Variants in SYNPO2 observed in about 807,000 individuals in gnomAD.
The protein encoded by SYNPO2 is synaptopodin 2.
SYNPO2 carries 56 observed loss-of-function variants against 85.0 expected under a neutral mutation model. The ratio of observed to expected loss-of-function variants is 0.66; its 90% CI spans 0.53 to 0.82. The LOEUF (loss-of-function observed/expected upper bound fraction) is 0.82. Among genes scored for constraint, SYNPO2 ranks in the 40% least tolerant of loss-of-function variants. SYNPO2 has a pLI of 0.00. For synonymous variants in SYNPO2, 602 were observed against 591.1 expected, an observed-to-expected ratio of 1.02 and a Z score of -0.27; for missense variants, 1,575 against 1,534.2, an observed-to-expected ratio of 1.03 and a Z score of -0.44.
At chr4:119,033,963 A>G (rs924095182) in intron 4 of SYNPO2, 3 of 985,302 alleles carry the variant, frequency 3.0e-6, no homozygotes, top group Non-Finnish European at 3.6e-6. Context: ...TTCTCTGGAA[A>G]ATCTTTCATT....
At chr4:118,880,761 A>AG (rs1290333862) in intron 1 of SYNPO2, among the ~76,000 whole-genome samples, 1 of 151,998 alleles carries the variant, frequency 6.6e-6, no homozygotes, top group Non-Finnish European at 1.5e-5. Context: ...AAAAAAAAAA[A>AG]AAATTATGCA....
At chr4:118,970,032 T>C (rs1405101770) in intron 1 of SYNPO2, among the ~76,000 whole-genome samples, 2 of 152,194 alleles carry the variant, frequency 1.3e-5, no homozygotes, top group Admixed American at 6.5e-5. Flanking sequence ...TTCTGTTCAT[T>C]GTCTAGGACT....
chr4:118,873,597 A>G (rs1731842676), intron 1 of SYNPO2, among the ~76,000 whole-genome samples: 1 of 152,160 alleles, frequency 6.6e-6, no homozygotes, highest in African/African-American at 2.4e-5. Context: ...GATTCTAAAT[A>G]CTAGTCCTTT....
intron 4 of SYNPO2, chr4:119,043,559 G>A (rs1253586010): frequency 6.6e-6 from 1 of 152,122 alleles, no homozygotes; most frequent in African/African-American, 2.4e-5. Flanking sequence ...ATAAATGTGT[G>A]GTCTACATGG....
chr4:118,923,800 A>G (rs947318406), intron 1 of SYNPO2, among the ~76,000 whole-genome samples: 3 of 151,288 alleles, frequency 2.0e-5, no homozygotes, highest in African/African-American at 4.9e-5. Flanking sequence ...TGCTACCCCT[A>G]TATTGAAACT....
chr4:118,966,797 T>C (rs893167330), intron 1 of SYNPO2, among the ~76,000 whole-genome samples: 3 of 152,130 alleles, frequency 2.0e-5, no homozygotes, highest in African/African-American at 7.2e-5. Flanking sequence ...CCAGATTGTA[T>C]AGATTTTACT....
rs1158799559 is a variant in SYNPO2, at chr4:119,061,202, G to A, written c.*3268G>A. The A allele has an allele frequency of 2.0e-5, 3 of 151,816 alleles. No homozygotes were observed. The highest frequency in any genetic ancestry group is 1.9e-4 in the East Asian group (1 of 5,188). The allele number at this position is 151,816 out of a possible 1,614,324, so 9.4% of individuals were successfully genotyped here. A position where few individuals can be genotyped will look rare whatever the true frequency, so the allele number is the denominator to read the frequency against. ...AAGACTGTATTTGAAATATGCATAC[G>A]GAAAATTGAAATTATATTAGTAATA... On this transcript the variant is annotated 3_prime_UTR_variant, in exon 5 of 5. Transcript: ENST00000307142.
chr4:119,044,590 G>A (rs566465100), intron 4 of SYNPO2, among the ~76,000 whole-genome samples: 1 of 152,150 alleles, frequency 6.6e-6, no homozygotes, highest in South Asian at 2.1e-4. Context: ...GAGTGCAGTG[G>A]CGTGATCTCA....
intron 4 of SYNPO2, among the ~76,000 whole-genome samples, chr4:119,048,645 G>A (rs1319443575): frequency 6.6e-6 from 1 of 152,144 alleles, no homozygotes; most frequent in Non-Finnish European, 1.5e-5. Flanking sequence ...AACAAGGTAG[G>A]AGTCATGCTG....
At chr4:119,025,566 A>G (rs2149186706) in intron 2 of SYNPO2, among the ~76,000 whole-genome samples, 1 of 152,292 alleles carries the variant, frequency 6.6e-6, no homozygotes, top group Non-Finnish European at 1.5e-5. Flanking sequence ...TTGCACTACC[A>G]CATAAATTCT....
chr4:118,978,530 A>AT (rs1735877931), intron 1 of SYNPO2, among the ~76,000 whole-genome samples: 1 of 152,180 alleles, frequency 6.6e-6, no homozygotes, highest in Admixed American at 6.5e-5. Context: ...GCTTATGAAT[A>AT]ATCAGGGTAA....
At chr4:119,017,567 C>T (rs1737569054) in intron 1 of SYNPO2, among the ~76,000 whole-genome samples, 1 of 151,738 alleles carries the variant, frequency 6.6e-6, no homozygotes, top group Admixed American at 6.6e-5. Context: ...ATCTCTAAAA[C>T]TTTAATTGTT....
intron 1 of SYNPO2, among the ~76,000 whole-genome samples, chr4:118,946,051 C>A (rs1263799878): frequency 6.6e-6 from 1 of 152,024 alleles, no homozygotes; most frequent in African/African-American, 2.4e-5. Context: ...GCCAATAACA[C>A]TTTCTTTAAC....
intron 1 of SYNPO2, among the ~76,000 whole-genome samples, chr4:118,993,353 G>A (rs1175701862): frequency 1.3e-5 from 2 of 152,198 alleles, no homozygotes; most frequent in East Asian, 1.9e-4. Flanking sequence ...TATAATTTTA[G>A]TGGATTGAAA....
chr4:118,876,729 CTT>C (rs1326556900), intron 1 of SYNPO2, among the ~76,000 whole-genome samples: 1 of 114,228 alleles, frequency 8.8e-6, no homozygotes, highest in East Asian at 2.5e-4. Flanking sequence ...TTCTTTCTTT[CTT>C]TCTTTCTGCC....
chr4:118,895,851 T>C (rs1040618003), intron 1 of SYNPO2, among the ~76,000 whole-genome samples: 2 of 152,240 alleles, frequency 1.3e-5, no homozygotes, highest in South Asian at 2.1e-4. Context: ...CTTCTCTCTG[T>C]CAGTTAATTA....
chr4:118,961,157 G>A (rs1407647836), intron 1 of SYNPO2, among the ~76,000 whole-genome samples: 1 of 127,372 alleles, frequency 7.9e-6, no homozygotes, highest in Non-Finnish European at 1.5e-5. Flanking sequence ...AATTTTGCTT[G>A]TCACTACTAG....
At chr4:118,989,092 T>C (rs1174399840) in intron 1 of SYNPO2, among the ~76,000 whole-genome samples, 1 of 152,208 alleles carries the variant, frequency 6.6e-6, no homozygotes, top group African/African-American at 2.4e-5. Context: ...GGCCTGGAAC[T>C]AGGGATCTTA....
intron 1 of SYNPO2, among the ~76,000 whole-genome samples, chr4:118,871,791 G>C (rs752589399): frequency 2.0e-5 from 3 of 152,168 alleles, no homozygotes; most frequent in South Asian, 2.1e-4. Context: ...GGATGATCTC[G>C]ATCTCCTGAC....
Sources: allele counts gnomAD v4.1 joint callset (sites outside exome capture counted in the v4.1 genomes callset), GRCh38; gene constraint gnomAD v4.1.1; transcripts MANE v1.5; gene names NCBI Gene and HGNC (gene_info 2026-07-23, HGNC 2026-07-21).